Variants in REV3L observed in about 807,000 individuals in gnomAD.
REV3L encodes REV3 like, DNA directed polymerase zeta catalytic subunit.
REV3L carries 69 observed loss-of-function variants against 299.4 expected under a neutral mutation model. The observed-to-expected ratio is 0.23, with a 90% CI of 0.19 to 0.28. The LOEUF (loss-of-function observed/expected upper bound fraction) is 0.28. REV3L is among the 10% of genes least tolerant of loss of function. The pLI, the probability that REV3L is intolerant of heterozygous loss-of-function variation, is 1.00. For synonymous variants in REV3L, 1,238 were observed against 1,271.4 expected, an observed-to-expected ratio of 0.97 and a Z score of 0.56; for missense variants, 3,128 against 3,693.8, an observed-to-expected ratio of 0.85 and a Z score of 3.97.
chr6:111,463,694 C>A (rs1449008513), intron 1 of REV3L, among the ~76,000 whole-genome samples: 3 of 152,126 alleles, frequency 2.0e-5, no homozygotes, highest in African/African-American at 7.2e-5. Context: ...TGTAGCAGAT[C>A]TCCAAATGAC....
chr6:111,307,639 T>G, intron 30 of REV3L, 69 bp from the exon 31 acceptor site: 1 of 1,415,238 alleles, frequency 7.1e-7, no homozygotes, highest in Non-Finnish European at 9.9e-7. Flanking sequence ...TTCATGCTAA[T>G]TACAGGTTTA....
intron 1 of REV3L, among the ~76,000 whole-genome samples, chr6:111,422,440 G>A (rs1274491378): frequency 6.6e-6 from 1 of 151,296 alleles, no homozygotes; most frequent in East Asian, 1.9e-4. Flanking sequence ...ATGTTTAAGT[G>A]TATTTCCTAG....
Position 111,374,738 on chromosome 6 carries a change from T to A in REV3L, c.3617A>T (p.Lys1206Met). ...QTNKLVDDGK[K>M]KPRAKQKTNE... ...TGTTTTTTGTTTTGCTCTTGGTTTC[T>A]TTTTTCCATCATCTACTAGTTTATT... Residue 1206 changes from lysine (K) to methionine (M), a missense_variant, in exon 13 of 32, where the codon AAG (lysine) becomes ATG (methionine). Lys to Met is a moderately conservative substitution (Grantham distance 95). Around this residue, in one of 9 missense-constraint regions of REV3L, gnomAD observed 2,409 missense variants for 2,611.8 expected, o/e 0.92. Coordinates refer to ENST00000368802, the MANE Select transcript of REV3L (RefSeq NM_001372078.1). 1 of 1,612,778 alleles carries A rather than the reference T, an allele frequency of 6.2e-7. No homozygotes were observed. Among genetic ancestry groups the A allele is most frequent in the African/African-American group, 1.3e-5 (1 of 75,008 alleles).
chr6:111,375,609 T>C lies in REV3L; in HGVS notation c.2746A>G (p.Lys916Glu). ...TEQSFGLYGN[K>E]YTLRAKRKVN... ...TTGCGTTTGGCTCTAAGTGTGTATT[T>C]ATTTCCATATAGTCCAAAGGACTGC... The change falls in exon 13 of 32, where the codon AAA (lysine) becomes GAA (glutamate). Residue 916 changes from lysine to glutamate, a missense_variant. Coordinates refer to ENST00000368802, the MANE Select transcript of REV3L (RefSeq NM_001372078.1). The C allele has an allele frequency of 2.5e-6, 4 of 1,613,882 alleles. No homozygotes were observed. The highest frequency in any genetic ancestry group is 3.4e-6 in the Non-Finnish European group (4 of 1,179,890).
intron 28 of REV3L, chr6:111,311,569 G>A (rs1772979754): frequency 5.6e-6 from 1 of 177,634 alleles, no homozygotes; most frequent in African/African-American, 2.4e-5. Context: ...AATAGTCAAA[G>A]CCTCTAGGTA....
At chr6:111,328,251 TA>T (rs201502231) in intron 25 of REV3L, among the ~76,000 whole-genome samples, 1 of 152,208 alleles carries the variant, frequency 6.6e-6, no homozygotes, top group African/African-American at 2.4e-5. Flanking sequence ...TATTCTGACT[TA>T]AAAAATTTTT....
intron 1 of REV3L, among the ~76,000 whole-genome samples, chr6:111,445,541 T>C (rs918078011): frequency 6.6e-6 from 1 of 152,224 alleles, no homozygotes; most frequent in Non-Finnish European, 1.5e-5. Context: ...ATACCAACAA[T>C]TCACCATACG....
chr6:111,392,813 C>G, intron 5 of REV3L, 63 bp downstream of exon 5: 5 of 1,038,784 alleles, frequency 4.8e-6, no homozygotes, highest in Non-Finnish European at 7.5e-6. Flanking sequence ...ATGGTAACCA[C>G]TGATTTCTGA....
At chr6:111,304,045 CACTT>C (rs1449023295) in intron 31 of REV3L, among the ~76,000 whole-genome samples, 2 of 152,070 alleles carry the variant, frequency 1.3e-5, no homozygotes, top group Non-Finnish European at 2.9e-5. Flanking sequence ...ATTCTAGAAA[CACTT>C]AAGAAGTATA....
At chr6:111,359,910 A>G (rs1778478848) in intron 16 of REV3L, among the ~76,000 whole-genome samples, 1 of 152,212 alleles carries the variant, frequency 6.6e-6, no homozygotes, top group South Asian at 2.1e-4. Flanking sequence ...TGTAAATTCA[A>G]GTTTCTCACT....
chr6:111,444,651 C>T (rs568949138), intron 1 of REV3L, among the ~76,000 whole-genome samples: 20 of 152,190 alleles, frequency 1.3e-4, no homozygotes, highest in Non-Finnish European at 2.8e-4. Context: ...TTAGGTTTTA[C>T]GTTCTGAAAA....
chr6:111,320,104 T>C (rs2114771378), intron 26 of REV3L, among the ~76,000 whole-genome samples: 1 of 151,878 alleles, frequency 6.6e-6, no homozygotes, highest in Admixed American at 6.6e-5. Context: ...GTTTCGCTCT[T>C]GTTGCCCAGG....
chr6:111,334,720 TAAATA>T (rs1775740314), intron 22 of REV3L, among the ~76,000 whole-genome samples: 1 of 152,134 alleles, frequency 6.6e-6, no homozygotes, highest in Non-Finnish European at 1.5e-5. Flanking sequence ...TTGATGGGTA[TAAATA>T]AAATAAATAG....
rs577264287 is a variant in REV3L, at chr6:111,329,388, G to A, written c.8241+144C>T. 1.5e-4 allele frequency: 78 copies of A among 523,222 alleles called. No individual in the cohort carries two copies. In the East Asian group the frequency reaches 2.8e-3, roughly 19 times the overall value. The allele number at this position is 523,222 out of a possible 1,614,324, so 32.4% of individuals were successfully genotyped here. On this transcript the variant is annotated intron_variant, in intron 25 of 31. Transcript: ENST00000368802. ...TAAAAAAGAGATGAGGTCTCACTAT[G>A]TTGTCCAGGCAGGATTCAACTCTGG...
chr6:111,436,679 G>A (rs1200850250), intron 1 of REV3L, among the ~76,000 whole-genome samples: 1 of 152,104 alleles, frequency 6.6e-6, no homozygotes, highest in African/African-American at 2.4e-5. Context: ...TACAAATATA[G>A]AGTTTGATAG....
At chr6:111,430,394 C>A in intron 1 of REV3L, 1 of 1,329,660 alleles carries the variant, frequency 7.5e-7, no homozygotes. Flanking sequence ...ACAATGACTA[C>A]CAGTCCATAG....
chr6:111,332,867 T>C (rs1213668129), intron 23 of REV3L, among the ~76,000 whole-genome samples: 2 of 152,208 alleles, frequency 1.3e-5, no homozygotes, highest in African/African-American at 4.8e-5. Flanking sequence ...TATAGTTACA[T>C]ATGGAGTGAA....
chr6:111,452,311 G>C (rs1034520011), intron 1 of REV3L, among the ~76,000 whole-genome samples: 3 of 152,110 alleles, frequency 2.0e-5, no homozygotes, highest in African/African-American at 7.2e-5. Flanking sequence ...TGTTTCTTAT[G>C]AAGTAAACTT....
intron 3 of REV3L, 115 bp downstream of exon 3, chr6:111,411,365 C>T (rs879913918): frequency 8.8e-6 from 6 of 681,686 alleles, no homozygotes; most frequent in East Asian, 8.5e-5. Context: ...GTGTATTTTA[C>T]GGTCTCTGTC....
Sources: gnomAD v4.1 joint callset for allele counts (sites outside exome capture counted in the v4.1 genomes callset) on GRCh38, gnomAD v4.1.1 for gene constraint, gnomAD v4.1.1 regional missense constraint, MANE v1.5 for transcripts, NCBI Gene and HGNC (gene_info 2026-07-23, HGNC 2026-07-21) for gene names.